Variants in MAMDC2 observed in about 807,000 individuals in gnomAD.
MAMDC2 encodes MAM domain containing 2, also known as MAM domain-containing protein 2.
In MAMDC2, 57 loss-of-function variants were observed where a neutral mutation model predicts 89.8. The ratio of observed to expected loss-of-function variants is 0.63; its 90% CI spans 0.51 to 0.79. The LOEUF (loss-of-function observed/expected upper bound fraction) is 0.79, where lower values mean the gene tolerates loss of function less well. MAMDC2 is among the 30% of genes least tolerant of loss of function. MAMDC2 has a pLI of 0.00. For missense variants in MAMDC2, 800 were observed against 820.6 expected (o/e 0.97, Z 0.31); for synonymous variants, 313 against 293.4 (o/e 1.07, Z -0.68).
intron 12 of MAMDC2, 77 bp downstream of exon 12, chr9:70,218,673 A>AAGAAT (rs2033496177): frequency 6.8e-7 from 1 of 1,473,794 alleles, no homozygotes; most frequent in African/African-American, 1.4e-5. Context: ...TCTTGCTACC[A>AAGAAT]AAGAGAATAT....
At chr9:70,198,179 T>C (rs1437397762) in intron 11 of MAMDC2, among the ~76,000 whole-genome samples, 4 of 29,168 alleles carry the variant, frequency 1.4e-4, no homozygotes, top group African/African-American at 2.8e-4. Flanking sequence ...TATATATATA[T>C]ATACACACAC....
At chr9:70,096,629 T>C (rs1489430946) in intron 2 of MAMDC2, among the ~76,000 whole-genome samples, 1 of 152,062 alleles carries the variant, frequency 6.6e-6, no homozygotes, top group Non-Finnish European at 1.5e-5. Flanking sequence ...CCCAATCAAA[T>C]TGGGGTTCTG....
chr9:70,185,022 A>C (rs1003129187), intron 11 of MAMDC2, among the ~76,000 whole-genome samples: 1 of 152,076 alleles, frequency 6.6e-6, no homozygotes. Flanking sequence ...GGATTTCTCT[A>C]CCTTTGATAT....
intron 11 of MAMDC2, among the ~76,000 whole-genome samples, chr9:70,175,144 CTA>C (rs1311275051): frequency 6.6e-6 from 1 of 152,168 alleles, no homozygotes. Flanking sequence ...TGAGGAAAGA[CTA>C]GGCGTGCAAA....
chr9:70,114,234 A>C (rs1226799167), intron 5 of MAMDC2, among the ~76,000 whole-genome samples: 1 of 147,694 alleles, frequency 6.8e-6, no homozygotes, highest in Non-Finnish European at 1.5e-5. Context: ...AGCCAGGCAG[A>C]CAGTATAAGC....
At chr9:70,169,568 G>A (rs1224676566) in intron 10 of MAMDC2, 2 of 152,162 alleles carry the variant, frequency 1.3e-5, no homozygotes, top group Admixed American at 1.3e-4. Flanking sequence ...AGGCATAGAA[G>A]AAAGAATGAG....
At chr9:70,216,200 A>C (rs2033442390) in intron 11 of MAMDC2, 1 of 152,218 alleles carries the variant, frequency 6.6e-6, no homozygotes, top group Non-Finnish European at 1.5e-5. Context: ...TGTAAAAAAT[A>C]AATCAAAATT....
intron 9 of MAMDC2, among the ~76,000 whole-genome samples, chr9:70,167,682 T>C (rs922190846): frequency 4.6e-5 from 7 of 152,242 alleles, no homozygotes; most frequent in Non-Finnish European, 8.8e-5. Context: ...ATCCTATATA[T>C]GAAAAGTAGC....
chr9:70,217,179 C>A (rs2118684623), intron 11 of MAMDC2: 1 of 696,070 alleles, frequency 1.4e-6, no homozygotes. Context: ...TTTTCTCTTC[C>A]CGTGGAGCCG....
At chr9:70,133,501 C>T (rs949802442) in intron 7 of MAMDC2, among the ~76,000 whole-genome samples, 3 of 152,182 alleles carry the variant, frequency 2.0e-5, no homozygotes, top group Non-Finnish European at 4.4e-5. Context: ...TTATACAGTT[C>T]GGTTAACCAA....
At chr9:70,202,961 G>A (rs2033134994) in intron 11 of MAMDC2, among the ~76,000 whole-genome samples, 1 of 151,452 alleles carries the variant, frequency 6.6e-6, no homozygotes, top group African/African-American at 2.4e-5. Flanking sequence ...CTGCACGTGA[G>A]ATGGGTTTCC....
In MAMDC2 at chr9:70,113,079, T is replaced by A; in HGVS notation, c.590T>A (p.Ile197Asn). ...AACTGGTTTGTTGGAGGAGGAAGTA[T>A]TCGGAATGTCCACTCCATTCTCCCA... ...NVNWFVGGGS[I>N]RNVHSILPQD... The change falls in exon 5 of 14, where the codon ATT (isoleucine) becomes AAT (asparagine). Residue 197 changes from isoleucine (I) to asparagine (N), a missense_variant. Physicochemically the swap from Ile to Asn is moderately radical, Grantham distance 149. Coordinates refer to ENST00000377182, the MANE Select transcript of MAMDC2 (RefSeq NM_153267.5). 6.2e-7 allele frequency: 1 copy of A among 1,614,092 alleles called. No individual in the cohort carries two copies. The highest frequency in any genetic ancestry group is 8.5e-7 in the Non-Finnish European group (1 of 1,179,976).
chr9:70,196,355 G>T (rs2032975226), intron 11 of MAMDC2, among the ~76,000 whole-genome samples: 1 of 152,054 alleles, frequency 6.6e-6, no homozygotes, highest in Non-Finnish European at 1.5e-5. Flanking sequence ...AAAAGTTATG[G>T]CCACAGTACA....
intron 11 of MAMDC2, among the ~76,000 whole-genome samples, chr9:70,206,353 T>C (rs1340592463): frequency 6.6e-6 from 1 of 152,186 alleles, no homozygotes; most frequent in Non-Finnish European, 1.5e-5. Flanking sequence ...ATCACAGGTA[T>C]ATGTGTACAG....
At chr9:70,064,525 A>G (rs758669372) in intron 2 of MAMDC2, among the ~76,000 whole-genome samples, 2 of 152,176 alleles carry the variant, frequency 1.3e-5, no homozygotes, top group Non-Finnish European at 2.9e-5. Context: ...TTTCTTGTGT[A>G]ATTTCTGAAA....
chr9:70,153,475 G>A (rs950908628), intron 9 of MAMDC2: 27 of 152,160 alleles, frequency 1.8e-4, no homozygotes, highest in African/African-American at 5.5e-4. Context: ...ATCCTGCAAC[G>A]CCTTCTGGCC....
At chr9:70,197,848 C>G (rs2033003405) in intron 11 of MAMDC2, among the ~76,000 whole-genome samples, 1 of 152,098 alleles carries the variant, frequency 6.6e-6, no homozygotes, top group Non-Finnish European at 1.5e-5. Flanking sequence ...AAATCAGATG[C>G]TGCTCCTTCT....
intron 11 of MAMDC2, among the ~76,000 whole-genome samples, chr9:70,199,175 T>C (rs919174957): frequency 3.7e-5 from 5 of 136,836 alleles, no homozygotes; most frequent in African/African-American, 1.3e-4. Flanking sequence ...TCATCTAGCA[T>C]TAGGTATATC....
At chr9:70,179,656 G>A (rs2032592127) in intron 11 of MAMDC2, among the ~76,000 whole-genome samples, 1 of 147,914 alleles carries the variant, frequency 6.8e-6, no homozygotes, top group South Asian at 2.1e-4. Flanking sequence ...AAAATCTAGT[G>A]CATAAACTCA....
Sources: gnomAD v4.1 joint callset for allele counts (sites outside exome capture counted in the v4.1 genomes callset) on GRCh38, gnomAD v4.1.1 for gene constraint, MANE v1.5 for transcripts, NCBI Gene and HGNC (gene_info 2026-07-23, HGNC 2026-07-21) for gene names.